COLEC11: variants seen among roughly 807,000 people sequenced by gnomAD.
COLEC11 encodes collectin-11.
COLEC11 carries 20 observed loss-of-function variants against 27.3 expected under a neutral mutation model. That is an observed-to-expected ratio of 0.73 (90% confidence interval 0.51 to 1.06). COLEC11 has a LOEUF of 1.06. Ranked by LOEUF, COLEC11 falls within the 50% of genes least tolerant of loss-of-function variation. The pLI is 0.00. For synonymous variants in COLEC11, 163 were observed against 154.7 expected, an observed-to-expected ratio of 1.05 and a Z score of -0.40; for missense variants, 310 against 383.0, an observed-to-expected ratio of 0.81 and a Z score of 1.59.
chr2:3,617,699 C>T (rs542000378), intron 3 of COLEC11: 62 of 1,600,144 alleles, frequency 3.9e-5, no homozygotes, highest in African/African-American at 2.7e-4. Flanking sequence ...GGAGGAAAAG[C>T]GGAGCGAGGC....
rs754379537 is a variant in COLEC11 at position 3,604,334 on chromosome 2, G to A, written c.-7G>A. 1.5e-5 allele frequency: 25 copies of A among 1,613,810 alleles called. No homozygotes were observed. Among genetic ancestry groups the A allele is most frequent in the African/African-American group, 4.0e-5 (3 of 74,930 alleles). ...GTGTAGGAGTTGGTGTCCTGCCTGC[G>A]CTCAGGATGAGGGGGAATCTGGCCC... On this transcript the variant is annotated 5_prime_UTR_variant, in exon 2 of 7. Transcript: ENST00000349077.
At chr2:3,600,519 A>G (rs1662141661) in intron 1 of COLEC11, among the ~76,000 whole-genome samples, 1 of 152,218 alleles carries the variant, frequency 6.6e-6, no homozygotes, top group Non-Finnish European at 1.5e-5. Flanking sequence ...GCACTACTGC[A>G]CTCCAGTCCT....
intron 5 of COLEC11, 91 bp downstream of exon 5, chr2:3,640,422 C>G: frequency 1.3e-6 from 1 of 751,652 alleles, no homozygotes; most frequent in Non-Finnish European, 2.3e-6. Flanking sequence ...GTAGATCCCA[C>G]AGTGGACACC....
chr2:3,631,008 G>A (rs931879059), intron 3 of COLEC11, among the ~76,000 whole-genome samples: 2 of 152,102 alleles, frequency 1.3e-5, no homozygotes, highest in Non-Finnish European at 2.9e-5. Flanking sequence ...TTGGGAGGCC[G>A]AGGTGGGTGG....
chr2:3,608,228 C>T (rs1014858136), intron 2 of COLEC11, among the ~76,000 whole-genome samples: 1 of 152,206 alleles, frequency 6.6e-6, no homozygotes, highest in Non-Finnish European at 1.5e-5. Flanking sequence ...TAAATGTCAG[C>T]CACGTTTTGT....
rs1449052285 is a variant in COLEC11, at chr2:3,617,610, CT to C, written c.202+4230del. The C allele has an allele frequency of 3.1e-6, 5 of 1,612,086 alleles. No homozygotes were observed. In the Admixed American group the frequency reaches 8.3e-5, roughly 27 times the overall value. ...TCTTTGGAAGGCAGTGGATTTTTCT[CT>C]TGAGTCTCTGTCTTCTTCAGTTTCG... On this transcript the variant is annotated intron_variant, in intron 3 of 6. Transcript: ENST00000349077.
chr2:3,640,147 C>T (rs777123493), intron 4 of COLEC11, 131 bp from the exon 5 acceptor site: 34 of 710,644 alleles, frequency 4.8e-5, no homozygotes, highest in Non-Finnish European at 5.7e-5. Context: ...AATGGGGCTC[C>T]GGTACTTTGT....
chr2:3,605,655 C>T (rs1201223594), intron 2 of COLEC11: 1 of 196,146 alleles, frequency 5.1e-6, no homozygotes, highest in African/African-American at 2.4e-5. Flanking sequence ...CCGCCCCCTC[C>T]TCATCCGCGG....
chr2:3,611,023 G>A (rs1210868521), intron 2 of COLEC11, among the ~76,000 whole-genome samples: 1 of 152,136 alleles, frequency 6.6e-6, no homozygotes, highest in Non-Finnish European at 1.5e-5. Context: ...TTCCCCGTGT[G>A]GTTCTCCGCA....
intron 3 of COLEC11, among the ~76,000 whole-genome samples, chr2:3,624,387 A>G (rs1664383552): frequency 1.3e-5 from 2 of 152,146 alleles, no homozygotes; most frequent in Non-Finnish European, 2.9e-5. Flanking sequence ...CTGCAGAGCA[A>G]TTATTAGGGT....
chr2:3,605,143 G>C (rs1307643845), intron 2 of COLEC11: 2 of 464,484 alleles, frequency 4.3e-6, no homozygotes, highest in Non-Finnish European at 8.9e-6. Flanking sequence ...CAAGCCTGGG[G>C]GAGCCCGGTG....
At chr2:3,622,388 C>A (rs530161955) in intron 3 of COLEC11, among the ~76,000 whole-genome samples, 1 of 152,084 alleles carries the variant, frequency 6.6e-6, no homozygotes, top group Non-Finnish European at 1.5e-5. Context: ...ATATCTTTGT[C>A]TTTTAACCTT....
At chr2:3,608,679 A>T (rs1662928789) in intron 2 of COLEC11, among the ~76,000 whole-genome samples, 1 of 152,152 alleles carries the variant, frequency 6.6e-6, no homozygotes, top group African/African-American at 2.4e-5. Context: ...AACAAAAACA[A>T]AACAAAACAA....
chr2:3,607,610 G>A (rs904166470), intron 2 of COLEC11, among the ~76,000 whole-genome samples: 2 of 151,766 alleles, frequency 1.3e-5, no homozygotes, highest in Admixed American at 6.6e-5. Context: ...ATCAACGCCC[G>A]GCTAATTTTT....
intron 5 of COLEC11, among the ~76,000 whole-genome samples, chr2:3,642,658 C>A (rs1665955787): frequency 6.6e-6 from 1 of 152,250 alleles, no homozygotes; most frequent in Admixed American, 6.5e-5. Flanking sequence ...GGGCCCCTGT[C>A]TTTCCCTCCA....
intron 2 of COLEC11, among the ~76,000 whole-genome samples, chr2:3,610,738 C>T (rs977643909): frequency 6.6e-6 from 1 of 152,196 alleles, no homozygotes; most frequent in African/African-American, 2.4e-5. Flanking sequence ...CTGTGCCTGG[C>T]TACCCCTGCT....
chr2:3,609,352 A>ATTTTTTTTTTTT (rs567474674), intron 2 of COLEC11, among the ~76,000 whole-genome samples: 5 of 87,488 alleles, frequency 5.7e-5, no homozygotes, highest in East Asian at 3.1e-4. Flanking sequence ...TTTTTCTTTG[A>ATTTTTTTTTTTT]TTTTTTTTTT....
At chr2:3,634,310 T>A (rs1385153041) in intron 3 of COLEC11, among the ~76,000 whole-genome samples, 1 of 152,126 alleles carries the variant, frequency 6.6e-6, no homozygotes, top group African/African-American at 2.4e-5. Context: ...TTCAGACAGA[T>A]AATAGTTTTT....
intron 3 of COLEC11, among the ~76,000 whole-genome samples, chr2:3,622,799 G>T (rs1664274590): frequency 6.6e-6 from 1 of 152,062 alleles, no homozygotes; most frequent in East Asian, 1.9e-4. Context: ...CTGTAAAAAA[G>T]AATTTCTTTT....
Sources: allele counts gnomAD v4.1 joint callset (sites outside exome capture counted in the v4.1 genomes callset), GRCh38; gene constraint gnomAD v4.1.1; transcripts MANE v1.5; gene names NCBI Gene and HGNC (gene_info 2026-07-23, HGNC 2026-07-21).